The following CACNA1A variants were observed in gnomAD, a reference collection of about 807,000 sequenced individuals.
CACNA1A encodes the protein voltage-dependent P/Q-type calcium channel subunit alpha-1A.
In CACNA1A, 57 loss-of-function variants were observed where a neutral mutation model predicts 262.4. The observed-to-expected ratio is 0.22, with a 90% CI of 0.18 to 0.27. The LOEUF is 0.27. Among genes scored for constraint, CACNA1A ranks in the 10% least tolerant of loss-of-function variants. The pLI, the probability that CACNA1A is intolerant of heterozygous loss-of-function variation, is 1.00. For missense variants in CACNA1A, 2,526 were observed against 3,562.8 expected (o/e 0.71, Z 7.41); for synonymous variants, 1,431 against 1,419.3 (o/e 1.01, Z -0.18).
intron 3 of CACNA1A, among the ~76,000 whole-genome samples, chr19:13,415,388 G>A (rs1275195729): frequency 6.6e-6 from 1 of 152,094 alleles, no homozygotes; most frequent in Non-Finnish European, 1.5e-5. Context: ...CTGCATGTCA[G>A]AGCTAGACTG....
At chr19:13,383,019 C>T (rs1376300441) in intron 3 of CACNA1A, among the ~76,000 whole-genome samples, 1 of 152,202 alleles carries the variant, frequency 6.6e-6, no homozygotes, top group Non-Finnish European at 1.5e-5. Context: ...CCTTCAACTC[C>T]TGTGACTAGT....
chr19:13,389,729 A>G (rs542576606), intron 3 of CACNA1A, among the ~76,000 whole-genome samples: 3 of 152,004 alleles, frequency 2.0e-5, no homozygotes, highest in Admixed American at 6.5e-5. Context: ...CTGTTTTCCT[A>G]TTGGGGTTGC....
At chr19:13,392,031 A>G (rs1451505876) in intron 3 of CACNA1A, among the ~76,000 whole-genome samples, 1 of 70,046 alleles carries the variant, frequency 1.4e-5, no homozygotes, top group Non-Finnish European at 3.6e-5. Context: ...ACCATGTCTC[A>G]AAAAAAAAAA....
intron 3 of CACNA1A, among the ~76,000 whole-genome samples, chr19:13,402,783 T>C (rs1239002495): frequency 7.7e-6 from 1 of 129,578 alleles, no homozygotes; most frequent in Non-Finnish European, 1.5e-5. Context: ...TATATACATA[T>C]ATATACATAT....
At chr19:13,427,308 C>G (rs1185002776) in intron 3 of CACNA1A, among the ~76,000 whole-genome samples, 1 of 151,960 alleles carries the variant, frequency 6.6e-6, no homozygotes, top group Non-Finnish European at 1.5e-5. Flanking sequence ...TTAAATTAGC[C>G]AGGCGTGGTG....
At chr19:13,233,847 C>T (rs2055759057) in intron 34 of CACNA1A, among the ~76,000 whole-genome samples, 1 of 152,074 alleles carries the variant, frequency 6.6e-6, no homozygotes, top group Non-Finnish European at 1.5e-5. Context: ...TAATTTGTTT[C>T]CTGATTATTC....
At chr19:13,233,003 C>T (rs1157438469) in intron 34 of CACNA1A, among the ~76,000 whole-genome samples, 1 of 151,420 alleles carries the variant, frequency 6.6e-6, no homozygotes, top group Admixed American at 6.6e-5. Context: ...GAGCCGAGAT[C>T]GCACCACTGC....
intron 6 of CACNA1A, among the ~76,000 whole-genome samples, chr19:13,342,081 T>C (rs941995938): frequency 6.6e-6 from 1 of 152,144 alleles, no homozygotes; most frequent in Non-Finnish European, 1.5e-5. Context: ...TGCCTGATTT[T>C]AGAGACACTT....
chr19:13,270,672 G>A (rs1389262792), intron 24 of CACNA1A, among the ~76,000 whole-genome samples: 2 of 152,172 alleles, frequency 1.3e-5, no homozygotes, highest in African/African-American at 2.4e-5. Context: ...CTTGATCAAG[G>A]CACCTGGCCA....
chr19:13,410,459 C>T (rs115301827), intron 3 of CACNA1A, among the ~76,000 whole-genome samples: 9,047 of 151,444 alleles, frequency 0.06, 509 homozygotes, highest in South Asian at 0.22. Flanking sequence ...CTCAAATTCC[C>T]GAGGTCTCAG....
chr19:13,254,647 C>T (rs140435187), intron 29 of CACNA1A, among the ~76,000 whole-genome samples: 1 of 152,136 alleles, frequency 6.6e-6, no homozygotes, highest in African/African-American at 2.4e-5. Flanking sequence ...CAGGCATGAG[C>T]CACCGCGCCC....
intron 34 of CACNA1A, among the ~76,000 whole-genome samples, chr19:13,233,616 T>G (rs1454621891): frequency 6.6e-6 from 1 of 152,098 alleles, no homozygotes; most frequent in Non-Finnish European, 1.5e-5. Context: ...GCCTCCCAAG[T>G]AGCTGGGACT....
At chr19:13,493,439 C>T (rs1256265228) in intron 1 of CACNA1A, among the ~76,000 whole-genome samples, 1 of 152,280 alleles carries the variant, frequency 6.6e-6, no homozygotes. Context: ...CCCCCTCCCC[C>T]TACATTCGTG....
chr19:13,359,578 CCACA>C (rs1271429535), intron 6 of CACNA1A, 24 bp downstream of exon 6: 7 of 1,572,406 alleles, frequency 4.5e-6, no homozygotes, highest in Admixed American at 1.7e-5. Flanking sequence ...CTCTGATTGT[CCACA>C]CACACTGTCC....
At chr19:13,356,544 C>A (rs1330344965) in intron 6 of CACNA1A, among the ~76,000 whole-genome samples, 2 of 152,130 alleles carry the variant, frequency 1.3e-5, no homozygotes, top group Admixed American at 6.5e-5. Context: ...TGTTTATAAC[C>A]GAGCCCTCTG....
chr19:13,418,934 C>T (rs1386525826), intron 3 of CACNA1A, among the ~76,000 whole-genome samples: 1 of 152,104 alleles, frequency 6.6e-6, no homozygotes, highest in African/African-American at 2.4e-5. Context: ...TGCTCTGTCA[C>T]CCAGGCTGGA....
intron 30 of CACNA1A, among the ~76,000 whole-genome samples, chr19:13,249,413 C>T (rs559377811): frequency 2.0e-5 from 3 of 151,968 alleles, no homozygotes; most frequent in Admixed American, 6.5e-5. Context: ...TGGGGTGCAG[C>T]GGCTCAATCA....
In CACNA1A at chr19:13,212,441, T is replaced by C. The variant is rs1333411586; in HGVS notation, c.6132A>G (p.Thr2044=). ...RAQEMFQKTG[T]WSPEQGPPTD... ...TAGGGGGGCCTTGTTCCGGACTCCA[T>C]GTGCCCGTCTTCTGGAACATCTCCT... Residue 2044 remains threonine, a synonymous_variant, in exon 42 of 47, where the codon ACA becomes ACG. Coordinates refer to ENST00000360228, the MANE Select transcript of CACNA1A (RefSeq NM_001127222.2). This position sits in a 1 kb window ranked among gnomAD's most constrained non-coding sequence, Gnocchi z 5.6. 5 of 1,612,126 alleles carry C rather than the reference T, an allele frequency of 3.1e-6. No homozygotes were observed. The highest frequency in any genetic ancestry group is 1.7e-5 in the Admixed American group (1 of 59,598).
At chr19:13,450,456 C>T (rs2060896331) in intron 3 of CACNA1A, 1 of 152,330 alleles carries the variant, frequency 6.6e-6, no homozygotes, top group Admixed American at 6.6e-5. Context: ...CCACACATCC[C>T]ATCCCTCCCC....
Sources: gnomAD v4.1 joint callset for allele counts (sites outside exome capture counted in the v4.1 genomes callset) on GRCh38, gnomAD v4.1.1 for gene constraint, Gnocchi (gnomAD v3.1) non-coding constraint, MANE v1.5 for transcripts, NCBI Gene and HGNC (gene_info 2026-07-23, HGNC 2026-07-21) for gene names.